PCNX4: variants seen among roughly 807,000 people sequenced by gnomAD.
The protein encoded by PCNX4 is pecanex 4.
PCNX4 carries 103 observed loss-of-function variants against 107.2 expected under a neutral mutation model. The observed-to-expected ratio is 0.96, with a 90% confidence interval of 0.82 to 1.13. The LOEUF (loss-of-function observed/expected upper bound fraction) is 1.13. Ranked by LOEUF, PCNX4 falls within the 50% of genes most tolerant of loss-of-function variation. The pLI is 0.00. For synonymous variants in PCNX4, 541 were observed against 481.7 expected (o/e 1.12, Z -1.61); for missense variants, 1,528 against 1,379.4 (o/e 1.11, Z -1.71).
At position 60,121,662 on chromosome 14, in the gene PCNX4, C is replaced by G. The variant is rs141030151; in HGVS notation, c.2046+363C>G. Among the ~76,000 whole-genome samples, 206 of 152,236 alleles carry G rather than the reference C, an allele frequency of 1.4e-3. 1 individual carries two copies. Among genetic ancestry groups the G allele is most frequent in the Non-Finnish European group, 2.4e-3 (162 of 67,988 alleles). On this transcript the variant is annotated intron_variant, in intron 8 of 10. Coordinates refer to ENST00000406854, the MANE Select transcript of PCNX4 (RefSeq NM_001330177.2). Reference sequence around the variant, plus strand: ...CTTCTAATCCTACTGCCCCTACCTGCTATACCCTATTTGTCTCCTTCCTTG... The same window carrying G: ...CTTCTAATCCTACTGCCCCTACCTGGTATACCCTATTTGTCTCCTTCCTTG...
intron 1 of PCNX4, among the ~76,000 whole-genome samples, chr14:60,100,538 A>G (rs746560078): frequency 3.2e-4 from 49 of 152,182 alleles, no homozygotes; most frequent in Admixed American, 5.9e-4. Context: ...ACCTCAGGTG[A>G]TCTGCCCACC....
At chr14:60,122,838 T>C (rs1419621698) in intron 8 of PCNX4, among the ~76,000 whole-genome samples, 1 of 152,182 alleles carries the variant, frequency 6.6e-6, no homozygotes, top group African/African-American at 2.4e-5. Context: ...GTGAATTTTT[T>C]GTACTAGCAC....
chr14:60,114,783 T>A lies in PCNX4; in HGVS notation c.773T>A (p.Leu258His). 1 of 1,613,934 alleles carries A rather than the reference T, an allele frequency of 6.2e-7. No individual in the cohort carries two copies. The highest frequency in any genetic ancestry group is 8.5e-7 in the Non-Finnish European group (1 of 1,179,862). Residue 258 changes from leucine (L) to histidine (H), a missense_variant, in exon 3 of 11, where the codon CTT becomes CAT. Transcript: ENST00000406854. ...LFVFLPFLWA[L>H]GTLPPPDALL... ...GTATTTTTACCCTTTCTGTGGGCAC[T>A]TGGGACTCTGCCCCCACCCGATGCA...
chr14:60,122,415 A>G (rs1895972507), intron 8 of PCNX4, among the ~76,000 whole-genome samples: 1 of 151,948 alleles, frequency 6.6e-6, no homozygotes, highest in South Asian at 2.1e-4. Flanking sequence ...ACTCTATTCC[A>G]GCCTCCTGGC....
rs1181639083 is a variant in PCNX4 at position 60,147,447 on chromosome 14, A to T, written c.*13226A>T. On this transcript the variant is annotated 3_prime_UTR_variant, in exon 11 of 11. Transcript: ENST00000406854. ...TGTATTAATTAGCTTGATTGTGGTAATCATTTTACAGTGTATATTAGATCA... is the reference window on the plus strand; with the variant it reads ...TGTATTAATTAGCTTGATTGTGGTATTCATTTTACAGTGTATATTAGATCA... 1 of 152,204 alleles carries T rather than the reference A, an allele frequency of 6.6e-6. No individual in the cohort carries two copies. Among genetic ancestry groups the T allele is most frequent in the East Asian group, 1.9e-4 (1 of 5,192 alleles). 9.4% of individuals were successfully genotyped at this position (152,204 alleles called of 1,614,324 possible).
chr14:60,127,919 A>G (rs1304669365), intron 10 of PCNX4, among the ~76,000 whole-genome samples: 4 of 152,196 alleles, frequency 2.6e-5, no homozygotes, highest in African/African-American at 9.6e-5. Flanking sequence ...TAGAGAATGT[A>G]TGTAGAGATA....
chr14:60,124,030 CTCTA>C (rs1206201403), intron 8 of PCNX4, among the ~76,000 whole-genome samples, 184 bp from the exon 9 acceptor site: 3 of 152,134 alleles, frequency 2.0e-5, no homozygotes, highest in East Asian at 1.9e-4. Context: ...TATTTTTAAT[CTCTA>C]TCCAGAATCA....
intron 6 of PCNX4, 32 bp from the exon 7 acceptor site, chr14:60,118,297 G>T (rs1303558643): frequency 2.6e-6 from 4 of 1,514,752 alleles, no homozygotes; most frequent in Non-Finnish European, 3.5e-6. Flanking sequence ...ATCTTCTAAG[G>T]ATAAATAAAA....
At chr14:60,131,558 ACTAT>A (rs888325783) in intron 10 of PCNX4, among the ~76,000 whole-genome samples, 11 of 152,346 alleles carry the variant, frequency 7.2e-5, no homozygotes, top group Non-Finnish European at 1.0e-4. Context: ...AAAAGAGAAA[ACTAT>A]CTAAATAAAT....
intron 10 of PCNX4, among the ~76,000 whole-genome samples, chr14:60,129,417 T>C (rs1045796536): frequency 1.3e-5 from 2 of 151,948 alleles, no homozygotes; most frequent in African/African-American, 2.4e-5. Context: ...CCAAGTGTGG[T>C]GGCGTGCATT....
intron 2 of PCNX4, chr14:60,109,010 T>TAA (rs1895685707): frequency 1.2e-5 from 2 of 166,986 alleles, no homozygotes; most frequent in Admixed American, 1.3e-4. Flanking sequence ...ATTACAGTCT[T>TAA]AAACCCCAAT....
chr14:60,109,738 G>A (rs964152389), intron 2 of PCNX4: 19 of 167,244 alleles, frequency 1.1e-4, no homozygotes, highest in African/African-American at 4.1e-4. Flanking sequence ...ATCACACCCA[G>A]CCAAGGGTTT....
At chr14:60,132,282 A>T (rs1031839335) in intron 10 of PCNX4, among the ~76,000 whole-genome samples, 2 of 152,144 alleles carry the variant, frequency 1.3e-5, no homozygotes, top group African/African-American at 4.8e-5. Flanking sequence ...ACTTTCTTTT[A>T]TAAGGATGTC....
In PCNX4 at chr14:60,134,086, C is replaced by T. The variant is rs1340040249; in HGVS notation, c.3384C>T (p.Ala1128=). 1.2e-6 allele frequency: 2 copies of T among 1,613,766 alleles called. No individual in the cohort carries two copies. The highest frequency in any genetic ancestry group is 1.7e-6 in the Non-Finnish European group (2 of 1,179,802). Residue 1128 remains alanine, a synonymous_variant, in exon 11 of 11, where the codon GCC becomes GCT. Coordinates refer to ENST00000406854, the MANE Select transcript of PCNX4 (RefSeq NM_001330177.2). Reference sequence around the variant, plus strand: ...ATCTTTCATGGGAATTACTTTATGCCACAAACGATGATGAAGAACGTTATA... The same window carrying T: ...ATCTTTCATGGGAATTACTTTATGCTACAAACGATGATGAAGAACGTTATA... ...WANLSWELLY[A]TNDDEERYSI... is the part of the protein sequence containing the mutation.
At chr14:60,100,560 A>G (rs1313317274) in intron 1 of PCNX4, among the ~76,000 whole-genome samples, 1 of 152,176 alleles carries the variant, frequency 6.6e-6, no homozygotes, top group Non-Finnish European at 1.5e-5. Flanking sequence ...CAGCCTCTCA[A>G]AGTGCTGGGA....
At chr14:60,130,125 T>A (rs1166943564) in intron 10 of PCNX4, among the ~76,000 whole-genome samples, 1 of 151,684 alleles carries the variant, frequency 6.6e-6, no homozygotes, top group Non-Finnish European at 1.5e-5. Flanking sequence ...ATCACTTGAG[T>A]CCAGGAGTTC....
intron 1 of PCNX4, among the ~76,000 whole-genome samples, chr14:60,102,510 A>G (rs946857414): frequency 6.6e-6 from 1 of 152,132 alleles, no homozygotes; most frequent in Admixed American, 6.5e-5. Flanking sequence ...TGCCAGATTG[A>G]TCTCTGTTTC....
Position 60,125,255 on chromosome 14 carries a change from A to G in PCNX4, c.3080+4A>G. 2 of 1,531,764 alleles carry G rather than the reference A, an allele frequency of 1.3e-6. No individual in the cohort carries two copies. Among genetic ancestry groups the G allele is most frequent in the Middle Eastern group, 1.7e-4 (1 of 5,718 alleles). 94.9% of individuals were successfully genotyped at this position (1,531,764 alleles called of 1,614,324 possible). On this transcript the variant is annotated splice_donor_region_variant and intron_variant, in intron 9 of 10. Coordinates refer to ENST00000406854, the MANE Select transcript of PCNX4 (RefSeq NM_001330177.2). Reference sequence around the variant, plus strand: ...AACTAGCACTGAAAGCATTCAGGTAATCCATTTTGATCATATGTAAGTTAT... The same window carrying G: ...AACTAGCACTGAAAGCATTCAGGTAGTCCATTTTGATCATATGTAAGTTAT...
rs781005229 is a variant in PCNX4 at position 60,115,478 on chromosome 14, T to C, written c.1357+17T>C. 2.2e-5 allele frequency: 33 copies of C among 1,511,888 alleles called. No individual in the cohort carries two copies. The South Asian group carries it at 4.0e-4, about 19-fold the overall frequency. 93.7% of individuals were successfully genotyped at this position (1,511,888 alleles called of 1,614,324 possible). A position where few individuals can be genotyped will look rare whatever the true frequency, so the allele number is the denominator to read the frequency against. On this transcript the variant is annotated intron_variant, in intron 4 of 10. Coordinates refer to ENST00000406854, the MANE Select transcript of PCNX4 (RefSeq NM_001330177.2). ...TAACTTTAGGTAGGAAGATAAAGTCTATTAACCTTGTGTTACAAATCATAT... is the reference window on the plus strand; with the variant it reads ...TAACTTTAGGTAGGAAGATAAAGTCCATTAACCTTGTGTTACAAATCATAT...
Sources: gnomAD v4.1 joint callset for allele counts (sites outside exome capture counted in the v4.1 genomes callset) on GRCh38, gnomAD v4.1.1 for gene constraint, MANE v1.5 for transcripts, NCBI Gene and HGNC (gene_info 2026-07-23, HGNC 2026-07-21) for gene names.